The following BAZ2B variants were observed in gnomAD, a reference collection of about 807,000 sequenced individuals.
BAZ2B encodes the protein bromodomain adjacent to zinc finger domain protein 2B.
A neutral mutation model predicts 246.0 loss-of-function variants in BAZ2B; 91 were observed. The ratio of observed to expected loss-of-function variants is 0.37; its 90% CI spans 0.31 to 0.44. The LOEUF is 0.44. BAZ2B is among the 20% of genes least tolerant of loss of function. The probability of loss-of-function intolerance (pLI) is 1.00; values close to 1 mark genes in which losing one functional copy is unlikely to be tolerated. For synonymous variants in BAZ2B, 855 were observed against 860.0 expected (o/e 0.99, Z 0.10); for missense variants, 2,332 against 2,533.7 (o/e 0.92, Z 1.71).
At chr2:159,703,929 C>T in the BAZ2B span, among the ~76,000 whole-genome samples, 1 of 152,098 alleles carries the variant, frequency 6.6e-6, no homozygotes, top group Non-Finnish European at 1.5e-5. Flanking sequence ...ATTCAAACTA[C>T]AACAATCAAC....
chr2:159,615,661 A>T (rs1371238652), intron 1 of BAZ2B: 1 of 152,332 alleles, frequency 6.6e-6, no homozygotes, highest in Non-Finnish European at 1.5e-5. Flanking sequence ...GGTGATCCAG[A>T]AACTACCCCG....
chr2:159,633,060 T>A, the BAZ2B span, among the ~76,000 whole-genome samples: 13 of 152,202 alleles, frequency 8.5e-5, no homozygotes, highest in Admixed American at 8.5e-4. Flanking sequence ...ATTTTATTAT[T>A]ATTTGTGAAT....
chr2:159,712,007 GA>G, the BAZ2B span: 1 of 150,424 alleles, frequency 6.6e-6, no homozygotes, highest in Non-Finnish European at 1.5e-5. Flanking sequence ...GGCGGGCAGG[GA>G]AGCAAGCGGG....
chr2:159,681,434 C>A, the BAZ2B span, among the ~76,000 whole-genome samples: 50 of 134,968 alleles, frequency 3.7e-4, no homozygotes, highest in African/African-American at 1.3e-3. Context: ...ACAGACCAGA[C>A]ACAGTTTGAC....
intron 1 of BAZ2B, among the ~76,000 whole-genome samples, chr2:159,574,910 C>T (rs1433641815): frequency 6.6e-6 from 1 of 151,552 alleles, no homozygotes; most frequent in Non-Finnish European, 1.5e-5. Flanking sequence ...GCGGAGGCTG[C>T]AGTGAGCCAA....
chr2:159,383,147 T>C (rs1390251431), intron 24 of BAZ2B, among the ~76,000 whole-genome samples: 2 of 152,236 alleles, frequency 1.3e-5, no homozygotes, highest in Admixed American at 6.5e-5. Flanking sequence ...ACAAAGAAAC[T>C]AACCTCTTAA....
intron 6 of BAZ2B, among the ~76,000 whole-genome samples, chr2:159,442,572 T>G (rs1267526370): frequency 6.6e-6 from 1 of 152,222 alleles, no homozygotes; most frequent in African/African-American, 2.4e-5. Flanking sequence ...TTCAGTGATA[T>G]TAAATACATT....
At chr2:159,597,420 C>T (rs1440532337) in intron 1 of BAZ2B, among the ~76,000 whole-genome samples, 1 of 152,166 alleles carries the variant, frequency 6.6e-6, no homozygotes, top group Admixed American at 6.5e-5. Context: ...ATTCTGTATC[C>T]TAACAGAATA....
chr2:159,438,754 C>A (rs2072869310), intron 7 of BAZ2B, 59 bp from the exon 8 acceptor site: 2 of 1,499,342 alleles, frequency 1.3e-6, no homozygotes, highest in Non-Finnish European at 1.8e-6. Flanking sequence ...GACTATCAAG[C>A]AGTAAAACCT....
At chr2:159,418,275 CAA>C (rs932333714) in intron 13 of BAZ2B, among the ~76,000 whole-genome samples, 3 of 152,106 alleles carry the variant, frequency 2.0e-5, no homozygotes, top group African/African-American at 4.8e-5. Flanking sequence ...TTCAGAAATT[CAA>C]AAGAGATCAT....
the BAZ2B span, among the ~76,000 whole-genome samples, chr2:159,676,336 A>G: frequency 3.9e-5 from 6 of 152,106 alleles, 1 homozygote; most frequent in African/African-American, 1.4e-4. Context: ...CCTGGCTTCA[A>G]TTATCTTTTC....
In BAZ2B at chr2:159,347,965, T is replaced by C. The variant is rs373216396; in HGVS notation, c.5294-319A>G. On this transcript the variant is annotated intron_variant, in intron 30 of 36. Coordinates refer to ENST00000392783, the MANE Select transcript of BAZ2B (RefSeq NM_013450.4). ...TCTCTTGATATCTGTGGGGGATTGG[T>C]TCTAGGACCCCCTCTGCCCCCATGA... Among the ~76,000 whole-genome samples, 521 of 152,248 alleles carry C rather than the reference T, an allele frequency of 3.4e-3. 3 individuals carry two copies. The highest frequency in any genetic ancestry group is 0.012 in the African/African-American group (492 of 41,542).
intron 3 of BAZ2B, among the ~76,000 whole-genome samples, chr2:159,468,060 T>G (rs1297298363): frequency 1.3e-5 from 2 of 152,102 alleles, no homozygotes; most frequent in Admixed American, 1.3e-4. Flanking sequence ...TCCAAACGCC[T>G]AGCTGCAAGT....
the BAZ2B span, among the ~76,000 whole-genome samples, chr2:159,686,353 T>C: frequency 6.6e-6 from 1 of 152,182 alleles, no homozygotes; most frequent in African/African-American, 2.4e-5. Flanking sequence ...GCATCTACCC[T>C]CTGATATGAT....
intron 9 of BAZ2B, among the ~76,000 whole-genome samples, chr2:159,431,413 T>C (rs1189030349): frequency 6.6e-6 from 1 of 152,224 alleles, no homozygotes. Context: ...CATGATGAGT[T>C]CTGCTTAATG....
At chr2:159,629,855 A>T in the BAZ2B span, among the ~76,000 whole-genome samples, 1 of 152,176 alleles carries the variant, frequency 6.6e-6, no homozygotes, top group African/African-American at 2.4e-5. Context: ...TAAAAATTAA[A>T]AAGTATGAGG....
intron 2 of BAZ2B, among the ~76,000 whole-genome samples, chr2:159,537,605 A>AT (rs1245999433): frequency 6.6e-6 from 1 of 152,236 alleles, no homozygotes; most frequent in Admixed American, 6.5e-5. Flanking sequence ...CTAGAGATAC[A>AT]CACAACTGCT....
chr2:159,379,805 C>A (rs1236654360), intron 25 of BAZ2B, among the ~76,000 whole-genome samples: 1 of 152,086 alleles, frequency 6.6e-6, no homozygotes, highest in Non-Finnish European at 1.5e-5. Flanking sequence ...TGAGTTGATG[C>A]AATAAGGGAA....
At chr2:159,697,956 T>C in the BAZ2B span, among the ~76,000 whole-genome samples, 1 of 152,218 alleles carries the variant, frequency 6.6e-6, no homozygotes, top group African/African-American at 2.4e-5. Flanking sequence ...CTGTGTGGTC[T>C]TAGGTAAGTA....
Sources: gnomAD v4.1 joint callset for allele counts (sites outside exome capture counted in the v4.1 genomes callset) on GRCh38, gnomAD v4.1.1 for gene constraint, MANE v1.5 for transcripts, NCBI Gene and HGNC (gene_info 2026-07-23, HGNC 2026-07-21) for gene names.